FKBP5: variants seen among roughly 807,000 people sequenced by gnomAD.
FKBP5 encodes the protein peptidyl-prolyl cis-trans isomerase FKBP5.
Under a neutral mutation model 50.5 loss-of-function variants are expected in FKBP5, and 23 were observed. That is an observed-to-expected ratio of 0.46 (90% CI 0.33 to 0.65). The LOEUF is 0.65. FKBP5 is among the 30% of genes least tolerant of loss of function. The pLI is 0.02. For synonymous variants in FKBP5, 176 were observed against 190.6 expected, an observed-to-expected ratio of 0.92 and a Z score of 0.63; for missense variants, 411 against 553.1, an observed-to-expected ratio of 0.74 and a Z score of 2.58.
At chr6:35,577,781 T>C (rs1201609186) in intron 9 of FKBP5, among the ~76,000 whole-genome samples, 1 of 152,096 alleles carries the variant, frequency 6.6e-6, no homozygotes, top group East Asian at 1.9e-4. Context: ...TAAGGCCGGG[T>C]GCAGTGGTTC....
intron 3 of FKBP5, among the ~76,000 whole-genome samples, chr6:35,630,049 T>A (rs1201036970): frequency 6.6e-6 from 1 of 151,928 alleles, no homozygotes; most frequent in Non-Finnish European, 1.5e-5. Flanking sequence ...GGCAGGAGGA[T>A]CACTGAAGCC....
At chr6:35,632,893 A>C (rs1764201957) in intron 3 of FKBP5, among the ~76,000 whole-genome samples, 1 of 151,928 alleles carries the variant, frequency 6.6e-6, no homozygotes, top group South Asian at 2.1e-4. Context: ...CCGTCTCAGA[A>C]AGAAAAAAAA....
intron 1 of FKBP5, among the ~76,000 whole-genome samples, chr6:35,675,131 A>G (rs1204819550): frequency 2.0e-5 from 3 of 152,242 alleles, no homozygotes; most frequent in East Asian, 1.9e-4. Flanking sequence ...CCTTGAGGTA[A>G]GTGCTCATTT....
intron 1 of FKBP5, among the ~76,000 whole-genome samples, chr6:35,655,049 C>T (rs1321351774): frequency 2.0e-5 from 3 of 152,022 alleles, no homozygotes; most frequent in Admixed American, 6.6e-5. Flanking sequence ...GGGCCAGGCT[C>T]GGTGGCTCAC....
At chr6:35,615,744 G>C (rs758693912) in intron 5 of FKBP5, among the ~76,000 whole-genome samples, 1 of 152,114 alleles carries the variant, frequency 6.6e-6, no homozygotes, top group African/African-American at 2.4e-5. Flanking sequence ...AGTGTGTAAA[G>C]TTGTGATACA....
intron 1 of FKBP5, among the ~76,000 whole-genome samples, chr6:35,667,170 A>G (rs767415018): frequency 2.0e-5 from 3 of 152,184 alleles, no homozygotes; most frequent in African/African-American, 4.8e-5. Flanking sequence ...GATCTTGATT[A>G]TCCACAGTAC....
At chr6:35,607,579 A>G (rs534593027) in intron 5 of FKBP5, 5 of 152,740 alleles carry the variant, frequency 3.3e-5, no homozygotes, top group African/African-American at 1.2e-4. Context: ...TGGATTGGAT[A>G]AAAATGTGGG....
chr6:35,696,296 G>A (rs1028645512), intron 2 of FKBP5, among the ~76,000 whole-genome samples: 1 of 151,952 alleles, frequency 6.6e-6, no homozygotes, highest in Non-Finnish European at 1.5e-5. Flanking sequence ...CAGGTGGAAG[G>A]AGTGCTTGAG....
chr6:35,591,670 A>G (rs1224822733), intron 6 of FKBP5, among the ~76,000 whole-genome samples: 2 of 152,158 alleles, frequency 1.3e-5, no homozygotes, highest in African/African-American at 4.8e-5. Context: ...ATGTTTTAAT[A>G]AGCTTTTAAC....
chr6:35,644,101 T>TA (rs1485970927), intron 1 of FKBP5, among the ~76,000 whole-genome samples: 1 of 152,244 alleles, frequency 6.6e-6, no homozygotes, highest in Non-Finnish European at 1.5e-5. Flanking sequence ...TGTGTATTTT[T>TA]AAGGTATACT....
intron 8 of FKBP5, chr6:35,584,388 C>A (rs746270501): frequency 1.0e-6 from 1 of 985,284 alleles, no homozygotes; most frequent in African/African-American, 1.7e-5. Flanking sequence ...TCAATGGAAA[C>A]AGAATTCCAA....
At chr6:35,618,087 T>A (rs1250595554) in intron 5 of FKBP5, among the ~76,000 whole-genome samples, 1 of 152,238 alleles carries the variant, frequency 6.6e-6, no homozygotes, top group Non-Finnish European at 1.5e-5. Context: ...TACTGCTCTG[T>A]TTAGTAACTC....
chr6:35,620,304 T>G, intron 3 of FKBP5, 30 bp from the exon 4 acceptor site: 1 of 1,594,926 alleles, frequency 6.3e-7, no homozygotes, highest in South Asian at 1.1e-5. Context: ...AGTTGAAAGC[T>G]ATAAGCCCTA....
At chr6:35,672,115 A>C (rs1765404130) in intron 1 of FKBP5, among the ~76,000 whole-genome samples, 1 of 152,142 alleles carries the variant, frequency 6.6e-6, no homozygotes, top group South Asian at 2.1e-4. Flanking sequence ...TGATCCGCCC[A>C]CCTCGGCCTC....
At chr6:35,601,856 C>T (rs946412243) in intron 5 of FKBP5, among the ~76,000 whole-genome samples, 3 of 152,004 alleles carry the variant, frequency 2.0e-5, no homozygotes, top group Non-Finnish European at 2.9e-5. Context: ...AAGAAATAAA[C>T]AAGTTAAAAA....
chr6:35,591,443 T>G (rs1361325921), intron 6 of FKBP5, among the ~76,000 whole-genome samples: 1 of 152,218 alleles, frequency 6.6e-6, no homozygotes, highest in Non-Finnish European at 1.5e-5. Flanking sequence ...CTCCTTCACA[T>G]TCACATGTAA....
chr6:35,713,261 G>GA (rs1272849356), intron 2 of FKBP5, among the ~76,000 whole-genome samples: 2 of 151,948 alleles, frequency 1.3e-5, no homozygotes, highest in African/African-American at 4.8e-5. Context: ...CTTGTTGGGG[G>GA]AACCTTAGGA....
intron 2 of FKBP5, among the ~76,000 whole-genome samples, chr6:35,715,514 G>C (rs1261336402): frequency 6.6e-6 from 1 of 152,162 alleles, no homozygotes; most frequent in East Asian, 1.9e-4. Context: ...GACAAAGAGG[G>C]CCCCCCTCAG....
intron 1 of FKBP5, among the ~76,000 whole-genome samples, chr6:35,672,275 T>C (rs1765408491): frequency 1.3e-5 from 2 of 152,204 alleles, no homozygotes; most frequent in Non-Finnish European, 2.9e-5. Context: ...AAAAATCCCC[T>C]TTTACCTTCA....
Sources: gnomAD v4.1 joint callset for allele counts (sites outside exome capture counted in the v4.1 genomes callset) on GRCh38, gnomAD v4.1.1 for gene constraint, MANE v1.5 for transcripts, NCBI Gene and HGNC (gene_info 2026-07-23, HGNC 2026-07-21) for gene names.